Variants in SCHIP1 observed in about 807,000 individuals in gnomAD.
SCHIP1 encodes the protein schwannomin interacting protein 1, also known as schwannomin-interacting protein 1.
SCHIP1 carries 8 observed loss-of-function variants against 29.7 expected under a neutral mutation model. The observed-to-expected ratio is 0.27, with a 90% CI of 0.16 to 0.49. The LOEUF (loss-of-function observed/expected upper bound fraction) is 0.49, where lower values mean the gene tolerates loss of function less well. Among genes scored for constraint, SCHIP1 ranks in the 20% least tolerant of loss-of-function variants. The pLI, the probability that SCHIP1 is intolerant of heterozygous loss-of-function variation, is 0.99. For missense variants in SCHIP1, 193 were observed against 294.6 expected, an observed-to-expected ratio of 0.66 and a Z score of 2.52; for synonymous variants, 76 against 94.9, an observed-to-expected ratio of 0.80 and a Z score of 1.16.
At chr3:159,666,943 A>C in the SCHIP1 span, among the ~76,000 whole-genome samples, 3 of 152,184 alleles carry the variant, frequency 2.0e-5, no homozygotes, top group African/African-American at 7.2e-5. Context: ...CTGTCCTTGG[A>C]CCAGGTGCTT....
the SCHIP1 span, among the ~76,000 whole-genome samples, chr3:159,431,514 G>A: frequency 2.0e-5 from 3 of 151,926 alleles, no homozygotes; most frequent in African/African-American, 7.3e-5. Flanking sequence ...GGGAGTGAGA[G>A]GTTGAAATCC....
chr3:159,585,207 T>G, the SCHIP1 span, among the ~76,000 whole-genome samples: 18 of 152,084 alleles, frequency 1.2e-4, no homozygotes, highest in Non-Finnish European at 2.1e-4. Context: ...TCTCAGAATA[T>G]TAACTCCACA....
At chr3:159,765,089 G>A in the SCHIP1 span, 1 of 1,571,254 alleles carries the variant, frequency 6.4e-7, no homozygotes, top group Non-Finnish European at 8.6e-7. Flanking sequence ...CTGCAGTTCC[G>A]GGAGCAGGAG....
the SCHIP1 span, among the ~76,000 whole-genome samples, chr3:159,717,472 C>T: frequency 0.062 from 9,350 of 151,972 alleles, 603 homozygotes; most frequent in African/African-American, 0.16. Context: ...ACAAAATTGA[C>T]AGACCACTAG....
At chr3:159,875,826 CATGTGCCTGT>C (rs1715744410) in intron 2 of SCHIP1, among the ~76,000 whole-genome samples, 1 of 152,160 alleles carries the variant, frequency 6.6e-6, no homozygotes, top group African/African-American at 2.4e-5. Flanking sequence ...GGCACAGTGG[CATGTGCCTGT>C]AGTCACAGCT....
chr3:159,649,081 G>T, the SCHIP1 span, among the ~76,000 whole-genome samples: 3 of 152,172 alleles, frequency 2.0e-5, no homozygotes, highest in Admixed American at 6.5e-5. Flanking sequence ...AGAAGCTAGA[G>T]ATTAGATATC....
At chr3:159,663,732 T>G in the SCHIP1 span, among the ~76,000 whole-genome samples, 2 of 152,200 alleles carry the variant, frequency 1.3e-5, no homozygotes, top group African/African-American at 4.8e-5. Context: ...TCAAATATTA[T>G]TTATTTCAAA....
At chr3:159,330,875 C>T in the SCHIP1 span, among the ~76,000 whole-genome samples, 3 of 152,264 alleles carry the variant, frequency 2.0e-5, no homozygotes, top group African/African-American at 4.8e-5. Flanking sequence ...TACTTTACAT[C>T]CCAGTAGCTC....
chr3:159,435,921 T>G, the SCHIP1 span, among the ~76,000 whole-genome samples: 1 of 152,224 alleles, frequency 6.6e-6, no homozygotes, highest in Non-Finnish European at 1.5e-5. Flanking sequence ...TTATTGAATC[T>G]TATCACCCAG....
At chr3:159,734,581 C>T in the SCHIP1 span, among the ~76,000 whole-genome samples, 1 of 152,142 alleles carries the variant, frequency 6.6e-6, no homozygotes, top group Non-Finnish European at 1.5e-5. Context: ...CTTACTTTAT[C>T]TGTGCCTCAG....
the SCHIP1 span, among the ~76,000 whole-genome samples, chr3:159,713,284 G>GAAAGAAATA: frequency 2.1e-5 from 3 of 141,952 alleles, no homozygotes; most frequent in African/African-American, 5.2e-5. Context: ...AAGAAAGAAA[G>GAAAGAAATA]AAAAAAGAAA....
At chr3:159,718,442 G>C in the SCHIP1 span, among the ~76,000 whole-genome samples, 2 of 152,158 alleles carry the variant, frequency 1.3e-5, no homozygotes, top group African/African-American at 4.8e-5. Flanking sequence ...AAGTCAAATT[G>C]TCCCTGTTTG....
chr3:159,480,053 C>T, the SCHIP1 span, among the ~76,000 whole-genome samples: 1 of 152,122 alleles, frequency 6.6e-6, no homozygotes. Context: ...TGAAGCCCAC[C>T]AGCCTTCTAA....
chr3:159,652,414 A>AG, the SCHIP1 span, among the ~76,000 whole-genome samples: 3 of 152,148 alleles, frequency 2.0e-5, no homozygotes, highest in Non-Finnish European at 4.4e-5. Flanking sequence ...ACAAATTTTC[A>AG]GGTTTTGAAA....
At chr3:159,444,989 C>G in the SCHIP1 span, among the ~76,000 whole-genome samples, 1,745 of 152,090 alleles carry the variant, frequency 0.011, 34 homozygotes, top group African/African-American at 0.04. Flanking sequence ...GTCTAAAACA[C>G]CAAAAGCAAT....
chr3:159,324,352 A>G, the SCHIP1 span, among the ~76,000 whole-genome samples: 9 of 152,208 alleles, frequency 5.9e-5, no homozygotes, highest in Admixed American at 1.3e-4. Flanking sequence ...TGATAAATTT[A>G]TAATTCCCAT....
At chr3:159,856,118 G>A (rs754647813) in intron 1 of SCHIP1, among the ~76,000 whole-genome samples, 1 of 152,176 alleles carries the variant, frequency 6.6e-6, no homozygotes, top group South Asian at 2.1e-4. Context: ...AGCAAGTTCT[G>A]ATCCCCTGAT....
the SCHIP1 span, among the ~76,000 whole-genome samples, chr3:159,403,370 C>T: frequency 1.3e-5 from 2 of 152,132 alleles, no homozygotes; most frequent in African/African-American, 4.8e-5. Flanking sequence ...AACATCATGT[C>T]AGGTAAAGAG....
At chr3:159,304,118 T>A in the SCHIP1 span, among the ~76,000 whole-genome samples, 4 of 151,612 alleles carry the variant, frequency 2.6e-5, no homozygotes, top group Admixed American at 6.6e-5. Context: ...CGGTGTTTGG[T>A]TTTTTGTTCT....
Sources: gnomAD v4.1 joint callset for allele counts (sites outside exome capture counted in the v4.1 genomes callset) on GRCh38, gnomAD v4.1.1 for gene constraint, MANE v1.5 for transcripts, NCBI Gene and HGNC (gene_info 2026-07-23, HGNC 2026-07-21) for gene names.